The following KLHL32 variants were observed in gnomAD, a reference collection of about 807,000 sequenced individuals.
KLHL32 encodes the protein kelch like family member 32.
In KLHL32, 35 loss-of-function variants were observed where a neutral mutation model predicts 64.8. The observed-to-expected ratio is 0.54, with a 90% CI of 0.41 to 0.72. The LOEUF is 0.72. Among genes scored for constraint, KLHL32 ranks in the 30% least tolerant of loss-of-function variants. KLHL32 has a pLI of 0.00. For missense variants in KLHL32, 589 were observed against 768.5 expected (o/e 0.77, Z 2.76); for synonymous variants, 259 against 281.0 (o/e 0.92, Z 0.78).
Position 97,127,385 on chromosome 6 carries a change from A to G in KLHL32, c.1355-19A>G. 1 of 1,603,466 alleles carries G rather than the reference A, an allele frequency of 6.2e-7. No homozygotes were observed. Reference sequence around the variant, plus strand: ...TTTTTTATTCATGAAAAGCTCTAACACATGTTAATCCATTACAGGTGGAGT... The same window carrying G: ...TTTTTTATTCATGAAAAGCTCTAACGCATGTTAATCCATTACAGGTGGAGT... On this transcript the variant is annotated intron_variant, in intron 7 of 10. Transcript: ENST00000369261.
At chr6:96,933,002 G>A (rs1420007149) in intron 1 of KLHL32, among the ~76,000 whole-genome samples, 1 of 152,132 alleles carries the variant, frequency 6.6e-6, no homozygotes, top group Non-Finnish European at 1.5e-5. Context: ...TTCTGTATAT[G>A]TAACTGCCAA....
chr6:96,902,745 A>G, the KLHL32 span, among the ~76,000 whole-genome samples: 13 of 152,176 alleles, frequency 8.5e-5, no homozygotes, highest in African/African-American at 2.9e-4. Flanking sequence ...TCTGTAATCC[A>G]TCTTGAGTTG....
intron 3 of KLHL32, among the ~76,000 whole-genome samples, chr6:96,987,687 A>G (rs1298428276): frequency 2.0e-5 from 3 of 152,210 alleles, no homozygotes; most frequent in Non-Finnish European, 4.4e-5. Context: ...GCATCACGCT[A>G]CCTGACTTCA....
the KLHL32 span, among the ~76,000 whole-genome samples, chr6:96,898,613 C>T: frequency 6.6e-6 from 1 of 152,052 alleles, no homozygotes; most frequent in African/African-American, 2.4e-5. Context: ...ATTCCCTCTC[C>T]TATTTCTCTT....
At chr6:96,910,086 A>G in the KLHL32 span, among the ~76,000 whole-genome samples, 4 of 152,158 alleles carry the variant, frequency 2.6e-5, no homozygotes, top group African/African-American at 9.7e-5. Flanking sequence ...TGCTTTCTCT[A>G]TCACTTTGGG....
chr6:96,917,437 GT>G, the KLHL32 span, among the ~76,000 whole-genome samples: 226 of 152,306 alleles, frequency 1.5e-3, no homozygotes, highest in Admixed American at 2.9e-3. Context: ...CCTGGGAAAG[GT>G]CTACTGTCTG....
At chr6:96,945,690 T>C (rs542189270) in intron 1 of KLHL32, among the ~76,000 whole-genome samples, 74 of 152,318 alleles carry the variant, frequency 4.9e-4, no homozygotes, top group African/African-American at 1.7e-3. Context: ...AAAATTTTGG[T>C]CATTGTAGGA....
the KLHL32 span, among the ~76,000 whole-genome samples, chr6:96,912,659 A>G: frequency 6.6e-6 from 1 of 152,224 alleles, no homozygotes; most frequent in African/African-American, 2.4e-5. Context: ...AAAAGAAAAT[A>G]TGCTTAGGAC....
intron 8 of KLHL32, 90 bp from the exon 9 acceptor site, chr6:97,130,667 T>G (rs1489413983): frequency 3.3e-6 from 3 of 915,126 alleles, no homozygotes; most frequent in South Asian, 3.7e-5. Context: ...TGATAAACAT[T>G]AGGGTTCTCA....
At position 97,064,672 on chromosome 6, in the gene KLHL32, C is replaced by A; in HGVS notation, c.357C>A (p.Gly119=). 6.2e-7 allele frequency: 1 copy of A among 1,614,158 alleles called. No homozygotes were observed. Among genetic ancestry groups the A allele is most frequent in the Non-Finnish European group, 8.5e-7 (1 of 1,180,006 alleles). The change falls in exon 5 of 11, where the codon GGC becomes GGA. Residue 119 remains glycine (G), a synonymous_variant. Coordinates refer to ENST00000369261, the MANE Select transcript of KLHL32 (RefSeq NM_052904.4). ...PGVIQDVLAA[G]SHLQLLELLN... ...TGATCCAGGATGTGCTAGCAGCGGGCAGTCACCTACAGCTGTTGGAGCTTC... is the reference window on the plus strand; with the variant it reads ...TGATCCAGGATGTGCTAGCAGCGGGAAGTCACCTACAGCTGTTGGAGCTTC...
At chr6:97,132,995 A>G (rs1242889714) in intron 10 of KLHL32, among the ~76,000 whole-genome samples, 2 of 152,222 alleles carry the variant, frequency 1.3e-5, no homozygotes, top group East Asian at 3.8e-4. Context: ...TATATTGGAA[A>G]CTGGGAAACT....
chr6:97,003,423 A>T (rs549946925), intron 3 of KLHL32, among the ~76,000 whole-genome samples: 2 of 152,060 alleles, frequency 1.3e-5, no homozygotes, highest in South Asian at 2.1e-4. Flanking sequence ...GTTTATAAAA[A>T]TTTTCTCCCA....
chr6:96,913,738 A>C, the KLHL32 span, among the ~76,000 whole-genome samples: 1 of 152,224 alleles, frequency 6.6e-6, no homozygotes, highest in Non-Finnish European at 1.5e-5. Flanking sequence ...CTGGATCAGA[A>C]TATTGCCAGG....
At chr6:97,053,121 T>G (rs1787218237) in intron 4 of KLHL32, among the ~76,000 whole-genome samples, 1 of 151,738 alleles carries the variant, frequency 6.6e-6, no homozygotes. Flanking sequence ...CATTCTCTCC[T>G]GACCTCATAT....
chr6:97,085,766 TG>T (rs1189103214), intron 6 of KLHL32, among the ~76,000 whole-genome samples: 1 of 152,238 alleles, frequency 6.6e-6, no homozygotes, highest in East Asian at 1.9e-4. Context: ...AACATTTCTT[TG>T]TTGCAATAGA....
the KLHL32 span, among the ~76,000 whole-genome samples, chr6:96,911,232 C>G: frequency 1.3e-5 from 2 of 152,200 alleles, no homozygotes; most frequent in African/African-American, 4.8e-5. Context: ...TGCAAATTCT[C>G]TTTGTGTCTT....
chr6:97,109,815 G>A (rs1313248552), intron 6 of KLHL32, among the ~76,000 whole-genome samples: 1 of 152,198 alleles, frequency 6.6e-6, no homozygotes, highest in Non-Finnish European at 1.5e-5. Flanking sequence ...TGTGGATGCA[G>A]AACTGTAAGG....
chr6:97,043,311 A>G (rs562178465), intron 4 of KLHL32, among the ~76,000 whole-genome samples: 20 of 152,324 alleles, frequency 1.3e-4, no homozygotes, highest in Middle Eastern at 3.4e-3. Context: ...AAGTGAGATC[A>G]TGAAGTATTT....
At chr6:97,087,159 C>T (rs1793542496) in intron 6 of KLHL32, among the ~76,000 whole-genome samples, 1 of 152,184 alleles carries the variant, frequency 6.6e-6, no homozygotes, top group African/African-American at 2.4e-5. Context: ...AATTAAAAGA[C>T]TCACATAAAT....
Sources: allele counts gnomAD v4.1 joint callset (sites outside exome capture counted in the v4.1 genomes callset), GRCh38; gene constraint gnomAD v4.1.1; transcripts MANE v1.5; gene names NCBI Gene and HGNC (gene_info 2026-07-23, HGNC 2026-07-21).